The following PSMA6 variants were observed in gnomAD, a reference collection of about 807,000 sequenced individuals.
PSMA6 encodes the protein proteasome subunit alpha type-6.
For synonymous variants in PSMA6, 88 were observed against 97.7 expected (o/e 0.90, Z 0.59); for missense variants, 170 against 294.8 (o/e 0.58, Z 3.10).
chr14:35,297,856 A>G (rs2051629405), intron 1 of PSMA6, among the ~76,000 whole-genome samples: 1 of 152,204 alleles, frequency 6.6e-6, no homozygotes, highest in African/African-American at 2.4e-5. Context: ...GTATTTTTCT[A>G]GTATACAAAT....
intron 3 of PSMA6, 93 bp downstream of exon 3, chr14:35,309,088 C>T: frequency 1.0e-6 from 1 of 967,926 alleles, no homozygotes; most frequent in Non-Finnish European, 1.6e-6. Context: ...TAATTTTAAA[C>T]TTATTGCCTG....
Position 35,292,733 on chromosome 14 carries a change from CG to C in PSMA6, c.76+186del, listed in dbSNP as rs2051509932. ...TGCACCCCCGTCTGGACGCAGGGAT[CG>C]GGGGCCTGAAGGCCTGTCTCTGCAG... On this transcript the variant is annotated intron_variant, in intron 1 of 6. Transcript: ENST00000261479. 9.1e-6 allele frequency: 11 copies of C among 1,206,992 alleles called. No homozygotes were observed. The South Asian group carries it at 1.3e-4, about 14-fold the overall frequency. The allele number at this position is 1,206,992 out of a possible 1,614,324, so 74.8% of individuals were successfully genotyped here.
chr14:35,313,083 C>G, intron 5 of PSMA6, 24 bp downstream of exon 5: 1 of 1,549,246 alleles, frequency 6.5e-7, no homozygotes, highest in Non-Finnish European at 8.6e-7. Context: ...AAGGAGCTGA[C>G]TTTTTTTATG....
intron 1 of PSMA6, among the ~76,000 whole-genome samples, chr14:35,281,831 C>T (rs542273759): frequency 1.1e-4 from 16 of 152,184 alleles, no homozygotes; most frequent in African/African-American, 3.9e-4. Flanking sequence ...TCTATCAGTC[C>T]TCTTGCCTTG....
At chr14:35,306,067 A>G (rs555444719) in intron 1 of PSMA6, among the ~76,000 whole-genome samples, 44 of 152,038 alleles carry the variant, frequency 2.9e-4, no homozygotes, top group African/African-American at 9.9e-4. Flanking sequence ...CTCTACAGGA[A>G]AAAAATTGAA....
In PSMA6 at chr14:35,317,334, G is replaced by C; in HGVS notation, c.*28G>C. ...ATTGTCGTTAGTTTACCAGATCCGT[G>C]ATGCCACTTACCTGTGTGTTTGGTA... On this transcript the variant is annotated 3_prime_UTR_variant, in exon 7 of 7. Coordinates refer to ENST00000261479, the MANE Select transcript of PSMA6 (RefSeq NM_002791.3). 6.4e-7 allele frequency: 1 copy of C among 1,571,878 alleles called. No individual in the cohort carries two copies. The highest frequency in any genetic ancestry group is 1.1e-5 in the South Asian group (1 of 90,104).
chr14:35,311,666 C>T (rs940688919), intron 4 of PSMA6, among the ~76,000 whole-genome samples: 2 of 152,060 alleles, frequency 1.3e-5, no homozygotes, highest in African/African-American at 2.4e-5. Flanking sequence ...ACTTTGTTAC[C>T]TGTTCTACTG....
chr14:35,317,253 C>G lies in PSMA6; in HGVS notation c.688C>G (p.Leu230Val). 6.2e-7 allele frequency: 1 copy of G among 1,612,788 alleles called. No individual in the cohort carries two copies. The highest frequency in any genetic ancestry group is 8.5e-7 in the Non-Finnish European group (1 of 1,179,216). The change falls in exon 7 of 7, where the codon CTT becomes GTT. Residue 230 changes from leucine (L) to valine (V), a missense_variant. Physicochemically the swap from Leu to Val is conservative, Grantham distance 32. Coordinates refer to ENST00000261479, the MANE Select transcript of PSMA6 (RefSeq NM_002791.3). ...VTVENPKFRI[L>V]TEAEIDAHLV... ...TTTCCCCCTTTTGCCTTCTAGGATT[C>G]TTACAGAAGCAGAGATTGATGCTCA... is the stretch of plus-strand genomic sequence containing the variant.
At chr14:35,304,524 G>A (rs1207617287) in intron 1 of PSMA6, among the ~76,000 whole-genome samples, 3 of 151,956 alleles carry the variant, frequency 2.0e-5, no homozygotes, top group Admixed American at 1.3e-4. Context: ...GAGGTCAGGA[G>A]TTCAAGACCA....
upstream of PSMA6, among the ~76,000 whole-genome samples, chr14:35,289,334 A>ATT (rs113555975): frequency 6.8e-6 from 1 of 146,638 alleles, no homozygotes; most frequent in African/African-American, 2.5e-5. Context: ...CAAATTTATG[A>ATT]TTTTTTTTTT....
At chr14:35,305,508 C>T (rs1187032449) in intron 1 of PSMA6, among the ~76,000 whole-genome samples, 2 of 152,140 alleles carry the variant, frequency 1.3e-5, no homozygotes, top group Non-Finnish European at 2.9e-5. Flanking sequence ...AAATAGTTAG[C>T]CATTTAGAAA....
At chr14:35,312,683 T>G in intron 4 of PSMA6, 198 bp from the exon 5 acceptor site, 2 of 475,526 alleles carry the variant, frequency 4.2e-6, no homozygotes, top group Middle Eastern at 5.7e-4. Context: ...TAAATCCTTT[T>G]GTGAAATGGG....
chr14:35,294,515 C>T (rs970824671), intron 1 of PSMA6, among the ~76,000 whole-genome samples: 1 of 152,244 alleles, frequency 6.6e-6, no homozygotes. Flanking sequence ...ACTACCTGAT[C>T]TGGGCACTTG....
chr14:35,292,161 T>C (rs1026721259), upstream of PSMA6, among the ~76,000 whole-genome samples: 2 of 152,230 alleles, frequency 1.3e-5, no homozygotes, highest in Non-Finnish European at 2.9e-5. Context: ...GTCCTTGCTA[T>C]AGTCAATTCA....
At chr14:35,313,660 A>T (rs893506040) in intron 5 of PSMA6, 30 of 152,240 alleles carry the variant, frequency 2.0e-4, no homozygotes, top group African/African-American at 7.2e-4. Context: ...AATTAATTAC[A>T]TAAATAACCA....
At chr14:35,278,931 GT>G (rs1267336712) in intron 1 of PSMA6, among the ~76,000 whole-genome samples, 1 of 151,260 alleles carries the variant, frequency 6.6e-6, no homozygotes, top group Non-Finnish European at 1.5e-5. Context: ...CTCATTTTTT[GT>G]TTTTCTATAC....
At chr14:35,293,503 G>A (rs2051527721) in intron 1 of PSMA6, among the ~76,000 whole-genome samples, 1 of 152,184 alleles carries the variant, frequency 6.6e-6, no homozygotes, top group Non-Finnish European at 1.5e-5. Flanking sequence ...GTCTTGCACA[G>A]TAATATAATC....
At chr14:35,281,189 C>T (rs1311139421) in intron 1 of PSMA6, among the ~76,000 whole-genome samples, 1 of 152,148 alleles carries the variant, frequency 6.6e-6, no homozygotes, top group African/African-American at 2.4e-5. Context: ...ATACTTTTTA[C>T]CTCCTTTGGT....
At chr14:35,296,610 T>C (rs6571710) in intron 1 of PSMA6, among the ~76,000 whole-genome samples, 118,127 of 152,024 alleles carry the variant, frequency 0.78, 45,980 homozygotes, top group Middle Eastern at 0.83. Flanking sequence ...ATTACAAGCG[T>C]GAGCCACCAT....
Sources: allele counts gnomAD v4.1 joint callset (sites outside exome capture counted in the v4.1 genomes callset), GRCh38; gene constraint gnomAD v4.1.1; transcripts MANE v1.5; gene names NCBI Gene and HGNC (gene_info 2026-07-23, HGNC 2026-07-21).